The following METAP1 variants were observed in gnomAD, a reference collection of about 807,000 sequenced individuals.
METAP1 encodes the protein methionine aminopeptidase 1.
In METAP1, 28 loss-of-function variants were observed where a neutral mutation model predicts 53.8. That is an observed-to-expected ratio of 0.52 (90% CI 0.39 to 0.71). METAP1 has a LOEUF of 0.71. Among genes scored for constraint, METAP1 ranks in the 30% least tolerant of loss-of-function variants. The probability of loss-of-function intolerance (pLI) is 0.00; values close to 1 mark genes in which losing one functional copy is unlikely to be tolerated. For missense variants in METAP1, 389 were observed against 479.8 expected (o/e 0.81, Z 1.77); for synonymous variants, 181 against 165.7 (o/e 1.09, Z -0.71).
chr4:99,009,474 A>G (rs955866788), intron 1 of METAP1, among the ~76,000 whole-genome samples: 4 of 152,220 alleles, frequency 2.6e-5, no homozygotes, highest in African/African-American at 7.2e-5. Flanking sequence ...TTGTTCTACA[A>G]TTCCAACACA....
intron 2 of METAP1, among the ~76,000 whole-genome samples, chr4:99,031,101 G>GTTTTTTT (rs56082818): frequency 8.0e-4 from 88 of 109,868 alleles, no homozygotes; most frequent in Non-Finnish European, 8.7e-4. Context: ...CTCAAAGGTA[G>GTTTTTTT]TTTTTTTTTT....
intron 1 of METAP1, among the ~76,000 whole-genome samples, chr4:99,024,224 C>T (rs1390892258): frequency 6.6e-6 from 1 of 152,184 alleles, no homozygotes; most frequent in Non-Finnish European, 1.5e-5. Flanking sequence ...CCCCTGCTTG[C>T]TCAATTGATC....
At chr4:99,015,066 G>A (rs1230179) in intron 1 of METAP1, among the ~76,000 whole-genome samples, 25,083 of 152,118 alleles carry the variant, frequency 0.16, 3,340 homozygotes, top group East Asian at 0.8. Flanking sequence ...CTCCAAATCC[G>A]TCGCATGTGA....
intron 9 of METAP1, among the ~76,000 whole-genome samples, chr4:99,051,131 C>T (rs1726667795): frequency 6.6e-6 from 1 of 152,052 alleles, no homozygotes. Flanking sequence ...AGAGTATGTG[C>T]AGGGGAGGGA....
intron 1 of METAP1, among the ~76,000 whole-genome samples, chr4:99,021,440 T>C (rs1262922380): frequency 6.6e-6 from 1 of 152,102 alleles, no homozygotes; most frequent in Non-Finnish European, 1.5e-5. Context: ...GCAGGGCAGC[T>C]GGGTGCCTCC....
At chr4:99,000,074 T>G (rs1722849376) in intron 1 of METAP1, among the ~76,000 whole-genome samples, 1 of 152,206 alleles carries the variant, frequency 6.6e-6, no homozygotes, top group African/African-American at 2.4e-5. Flanking sequence ...AGAAAAGACA[T>G]CAGTGGGCTT....
At chr4:99,031,137 G>A (rs912373303) in intron 2 of METAP1, among the ~76,000 whole-genome samples, 6 of 122,064 alleles carry the variant, frequency 4.9e-5, no homozygotes, top group Non-Finnish European at 8.1e-5. Flanking sequence ...TTGTCATATA[G>A]TAAAGAAGAC....
At chr4:99,044,087 C>T (rs1726056459) in intron 7 of METAP1, among the ~76,000 whole-genome samples, 1 of 152,030 alleles carries the variant, frequency 6.6e-6, no homozygotes, top group South Asian at 2.1e-4. Flanking sequence ...GCTACCATGC[C>T]CAGCTCAGTT....
chr4:99,037,499 G>C (rs1725518301), intron 4 of METAP1, among the ~76,000 whole-genome samples: 2 of 151,824 alleles, frequency 1.3e-5, no homozygotes, highest in Admixed American at 6.6e-5. Flanking sequence ...GAGTTAAATA[G>C]GGATGCAACT....
chr4:99,022,517 G>A (rs1037433395), intron 1 of METAP1: 3 of 635,512 alleles, frequency 4.7e-6, no homozygotes, highest in Non-Finnish European at 8.6e-6. Context: ...GAGCCATCTG[G>A]GTGAGCAAGA....
At chr4:99,011,693 C>A (rs1723475151) in intron 1 of METAP1, among the ~76,000 whole-genome samples, 2 of 152,180 alleles carry the variant, frequency 1.3e-5, no homozygotes, top group Non-Finnish European at 2.9e-5. Context: ...GTAATCCCAG[C>A]ACTTTGGGAG....
intron 1 of METAP1, among the ~76,000 whole-genome samples, chr4:99,024,789 T>C (rs1362470182): frequency 1.3e-5 from 2 of 152,034 alleles, no homozygotes; most frequent in African/African-American, 4.8e-5. Context: ...GGAAGAAGGG[T>C]TTGGTTTGTG....
intron 1 of METAP1, chr4:99,022,857 G>A: frequency 2.6e-6 from 4 of 1,549,988 alleles, no homozygotes; most frequent in Non-Finnish European, 2.6e-6. Flanking sequence ...CCCTCCCACG[G>A]CTGCTGCTGC....
intron 4 of METAP1, among the ~76,000 whole-genome samples, chr4:99,037,512 A>AT (rs949841507): frequency 3.3e-5 from 5 of 151,736 alleles, no homozygotes; most frequent in African/African-American, 9.7e-5. Context: ...ATGCAACTTA[A>AT]TTTTTTTTCT....
At chr4:99,052,536 G>A (rs557062033) in intron 9 of METAP1, among the ~76,000 whole-genome samples, 1 of 152,214 alleles carries the variant, frequency 6.6e-6, no homozygotes, top group East Asian at 1.9e-4. Context: ...GTGCATGGGA[G>A]GAGAAACAAC....
At chr4:99,001,433 A>G (rs1560689761) in intron 1 of METAP1, among the ~76,000 whole-genome samples, 1 of 152,258 alleles carries the variant, frequency 6.6e-6, no homozygotes, top group Non-Finnish European at 1.5e-5. Flanking sequence ...GATTTCTATG[A>G]AATTTTGGTG....
intron 5 of METAP1, among the ~76,000 whole-genome samples, 167 bp downstream of exon 5, chr4:99,039,632 C>T (rs6836224): frequency 9.3e-5 from 14 of 150,194 alleles, no homozygotes; most frequent in Admixed American, 4.0e-4. Flanking sequence ...TTCACTCTGT[C>T]GCCCAGGCTG....
rs191211132 is a variant in METAP1, at chr4:99,040,462, A to G, written c.433-581A>G. ...ATGACTTGCTGTGATTCTTTGAGGA[A>G]TTCATTCATCTATTTTTTTTTTTTT... On this transcript the variant is annotated intron_variant, in intron 5 of 10. Transcript: ENST00000296411. Among the ~76,000 whole-genome samples, 217 of 144,598 alleles carry G rather than the reference A, an allele frequency of 1.5e-3. 2 individuals are homozygous for G. The highest frequency in any genetic ancestry group is 2.6e-3 in the Non-Finnish European group (171 of 65,972). 94.9% of individuals were successfully genotyped at this position (144,598 alleles called of 152,430 possible). A position where few individuals can be genotyped will look rare whatever the true frequency, so the allele number is the denominator to read the frequency against.
At chr4:99,002,260 A>G (rs1252364149) in intron 1 of METAP1, among the ~76,000 whole-genome samples, 1 of 152,220 alleles carries the variant, frequency 6.6e-6, no homozygotes, top group Non-Finnish European at 1.5e-5. Context: ...TGTCTTTGGT[A>G]TTACTGCAAT....
Sources: allele counts gnomAD v4.1 joint callset (sites outside exome capture counted in the v4.1 genomes callset), GRCh38; gene constraint gnomAD v4.1.1; transcripts MANE v1.5; gene names NCBI Gene and HGNC (gene_info 2026-07-23, HGNC 2026-07-21).